TRAPPC9: variants seen among roughly 807,000 people sequenced by gnomAD.
The protein encoded by TRAPPC9 is trafficking protein particle complex subunit 9, also known as IKK2 binding protein.
TRAPPC9 carries 83 observed loss-of-function variants against 124.0 expected under a neutral mutation model. The ratio of observed to expected loss-of-function variants is 0.67; its 90% CI spans 0.56 to 0.80. TRAPPC9 has a LOEUF of 0.80. Ranked by LOEUF, TRAPPC9 falls within the 30% of genes least tolerant of loss-of-function variation. The pLI is 0.00. For synonymous variants in TRAPPC9, 638 were observed against 617.5 expected, an observed-to-expected ratio of 1.03 and a Z score of -0.49; for missense variants, 1,302 against 1,508.3, an observed-to-expected ratio of 0.86 and a Z score of 2.27.
intron 19 of TRAPPC9, among the ~76,000 whole-genome samples, chr8:139,923,304 G>T (rs900429738): frequency 1.3e-5 from 2 of 152,172 alleles, no homozygotes; most frequent in Non-Finnish European, 2.9e-5. Context: ...CTTTCTACAG[G>T]ATGCCTGCCT....
At chr8:139,918,110 T>A (rs1219576969) in intron 19 of TRAPPC9, among the ~76,000 whole-genome samples, 1 of 152,220 alleles carries the variant, frequency 6.6e-6, no homozygotes, top group African/African-American at 2.4e-5. Flanking sequence ...ATCATGGAAG[T>A]CTGTGATTCG....
chr8:140,303,839 A>G (rs1290731996), intron 10 of TRAPPC9, among the ~76,000 whole-genome samples: 2 of 152,238 alleles, frequency 1.3e-5, no homozygotes, highest in East Asian at 3.8e-4. Flanking sequence ...GTCAAATACT[A>G]AGAAAGGCCT....
chr8:139,858,735 A>G (rs981861985), intron 21 of TRAPPC9, among the ~76,000 whole-genome samples: 3 of 151,902 alleles, frequency 2.0e-5, no homozygotes, highest in African/African-American at 4.8e-5. Flanking sequence ...TAACTGCTCA[A>G]TGATAATGCT....
At chr8:140,343,515 TA>T (rs2067253689) in intron 9 of TRAPPC9, among the ~76,000 whole-genome samples, 1 of 152,196 alleles carries the variant, frequency 6.6e-6, no homozygotes, top group Admixed American at 6.5e-5. Flanking sequence ...AGAATTCCTC[TA>T]GGGGTGACAA....
chr8:140,239,868 A>G (rs1488016279), intron 16 of TRAPPC9, among the ~76,000 whole-genome samples: 1 of 152,250 alleles, frequency 6.6e-6, no homozygotes, highest in East Asian at 1.9e-4. Flanking sequence ...AGGATGAGTC[A>G]CTGTTCTTTA....
intron 4 of TRAPPC9, among the ~76,000 whole-genome samples, chr8:140,431,823 A>G (rs1190102297): frequency 1.3e-5 from 2 of 152,216 alleles, no homozygotes; most frequent in Admixed American, 1.3e-4. Context: ...CAAACATGCA[A>G]AACTGGGTGC....
intron 21 of TRAPPC9, among the ~76,000 whole-genome samples, chr8:139,735,658 GTT>G (rs112374981): frequency 6.8e-6 from 1 of 147,438 alleles, no homozygotes; most frequent in South Asian, 2.1e-4. Flanking sequence ...ACCCTGCCCT[GTT>G]TTTTTTTTTT....
chr8:140,160,164 G>A (rs1201583616), intron 17 of TRAPPC9, among the ~76,000 whole-genome samples: 1 of 152,236 alleles, frequency 6.6e-6, no homozygotes, highest in Non-Finnish European at 1.5e-5. Context: ...TGGAGAGGAT[G>A]TGGAGAAATA....
At chr8:140,046,312 C>T (rs918314986) in intron 17 of TRAPPC9, among the ~76,000 whole-genome samples, 1 of 152,266 alleles carries the variant, frequency 6.6e-6, no homozygotes. Flanking sequence ...GGCAACAATG[C>T]CTTCTTGGCA....
At chr8:140,084,202 A>T (rs915233562) in intron 17 of TRAPPC9, among the ~76,000 whole-genome samples, 156 of 152,266 alleles carry the variant, frequency 1.0e-3, no homozygotes, top group Non-Finnish European at 1.8e-4. Context: ...ACCATGGTTA[A>T]TTTTTTTCCT....
At chr8:140,449,746 C>T (rs979655809) in intron 2 of TRAPPC9, among the ~76,000 whole-genome samples, 2 of 152,194 alleles carry the variant, frequency 1.3e-5, no homozygotes, top group African/African-American at 2.4e-5. Flanking sequence ...TAGCCACATA[C>T]GCAGGGTGCA....
chr8:140,329,084 A>T lies in TRAPPC9; in HGVS notation c.1496-17710T>A, dbSNP rs530786802. 2.6e-5 allele frequency among the ~76,000 whole-genome samples: 4 copies of T among 152,298 alleles called. No individual in the cohort carries two copies. The South Asian group carries it at 8.3e-4, about 32-fold the overall frequency. On this transcript the variant is annotated intron_variant, in intron 9 of 22. Coordinates refer to ENST00000438773, the MANE Select transcript of TRAPPC9 (RefSeq NM_001160372.4). ...GGGCACAAGCGGACCCCTGAGCACCATGAACATCAGCAGAGGTAACACTCC... is the reference window on the plus strand; with the variant it reads ...GGGCACAAGCGGACCCCTGAGCACCTTGAACATCAGCAGAGGTAACACTCC...
At chr8:140,050,634 C>G (rs1841929417) in intron 17 of TRAPPC9, among the ~76,000 whole-genome samples, 1 of 152,272 alleles carries the variant, frequency 6.6e-6, no homozygotes, top group African/African-American at 2.4e-5. Context: ...TTCCTCATCC[C>G]CAGCACCTCC....
intron 17 of TRAPPC9, chr8:140,098,094 G>C (rs1235339240): frequency 6.6e-6 from 1 of 151,980 alleles, no homozygotes; most frequent in Non-Finnish European, 1.5e-5. Context: ...ACGCCTGCCG[G>C]GGTCCTCCAC....
chr8:139,946,515 C>T (rs569974655), intron 19 of TRAPPC9, among the ~76,000 whole-genome samples: 32 of 152,262 alleles, frequency 2.1e-4, no homozygotes, highest in African/African-American at 7.7e-4. Flanking sequence ...TCTAGCAGTG[C>T]TATTTACCAT....
At chr8:140,377,173 C>T (rs777437437) in intron 7 of TRAPPC9, among the ~76,000 whole-genome samples, 6 of 152,206 alleles carry the variant, frequency 3.9e-5, no homozygotes, top group Admixed American at 6.5e-5. Context: ...AGAAATACTG[C>T]CTATTTTACC....
chr8:139,852,144 G>T (rs777645302), intron 21 of TRAPPC9, among the ~76,000 whole-genome samples: 1 of 152,226 alleles, frequency 6.6e-6, no homozygotes, highest in Middle Eastern at 3.4e-3. Context: ...CTCTTTCTTT[G>T]CCTGCTGCCT....
At chr8:139,802,943 G>A (rs1823646277) in intron 21 of TRAPPC9, among the ~76,000 whole-genome samples, 1 of 152,078 alleles carries the variant, frequency 6.6e-6, no homozygotes, top group Admixed American at 6.5e-5. Context: ...GTGTGAATGT[G>A]TATGTGAAGA....
chr8:140,437,562 T>G (rs1488672917), intron 3 of TRAPPC9, among the ~76,000 whole-genome samples: 1 of 152,150 alleles, frequency 6.6e-6, no homozygotes, highest in Non-Finnish European at 1.5e-5. Context: ...AGGCGGAGAT[T>G]GCAGTGAGCC....
Sources: gnomAD v4.1 joint callset for allele counts (sites outside exome capture counted in the v4.1 genomes callset) on GRCh38, gnomAD v4.1.1 for gene constraint, MANE v1.5 for transcripts, NCBI Gene and HGNC (gene_info 2026-07-23, HGNC 2026-07-21) for gene names.